PDE12: variants seen among roughly 807,000 people sequenced by gnomAD.
PDE12 encodes 2',5'-phosphodiesterase 12.
PDE12 carries 26 observed loss-of-function variants against 45.4 expected under a neutral mutation model. The ratio of observed to expected loss-of-function variants is 0.57; its 90% CI spans 0.42 to 0.79. The LOEUF (loss-of-function observed/expected upper bound fraction) is 0.79, where lower values mean the gene tolerates loss of function less well. PDE12 is among the 30% of genes least tolerant of loss of function. The probability of loss-of-function intolerance (pLI) is 0.00; values close to 1 mark genes in which losing one functional copy is unlikely to be tolerated. For synonymous variants in PDE12, 283 were observed against 323.9 expected (o/e 0.87, Z 1.36); for missense variants, 668 against 790.0 (o/e 0.85, Z 1.85).
At chr3:57,622,098 C>G in the PDE12 span, among the ~76,000 whole-genome samples, 3 of 152,168 alleles carry the variant, frequency 2.0e-5, no homozygotes, top group Admixed American at 2.0e-4. Flanking sequence ...ATCACTTGAA[C>G]CCGGGAGGTG....
the PDE12 span, chr3:57,597,421 G>T: frequency 1.0e-5 from 3 of 295,076 alleles, no homozygotes; most frequent in South Asian, 8.5e-5. Context: ...CTCCAGCAGC[G>T]GCCCGGCCCC....
At chr3:57,617,013 G>A in the PDE12 span, among the ~76,000 whole-genome samples, 1 of 151,956 alleles carries the variant, frequency 6.6e-6, no homozygotes, top group African/African-American at 2.4e-5. Flanking sequence ...GACAGAGCGA[G>A]ACTCCATCTC....
the PDE12 span, among the ~76,000 whole-genome samples, chr3:57,608,587 C>A: frequency 6.6e-6 from 1 of 151,898 alleles, no homozygotes; most frequent in African/African-American, 2.4e-5. Context: ...GGGTTGCAAT[C>A]CTAGTCTCTG....
chr3:57,634,700 A>G, the PDE12 span: 1 of 1,544,222 alleles, frequency 6.5e-7, no homozygotes, highest in Non-Finnish European at 8.7e-7. Flanking sequence ...ATAAAAGTCA[A>G]TACCAGGTTT....
chr3:57,592,699 TG>T, the PDE12 span, among the ~76,000 whole-genome samples: 2 of 152,224 alleles, frequency 1.3e-5, no homozygotes, highest in African/African-American at 4.8e-5. Flanking sequence ...TAAGGATGGC[TG>T]TACCTATCAG....
At position 57,556,872 on chromosome 3, in the gene PDE12, A is replaced by C; in HGVS notation, c.493A>C (p.Thr165Pro). Reference sequence around the variant, plus strand: ...GGTGGAGCGCAACCCGCCCGCCTTCACCGAACTGCAGTTGCCGCGCTACAT... The same window carrying C: ...GGTGGAGCGCAACCCGCCCGCCTTCCCCGAACTGCAGTTGCCGCGCTACAT... ...YKVERNPPAF[T>P]ELQLPRYIMA... Residue 165 changes from threonine (T) to proline (P), a missense_variant, in exon 1 of 3, where the codon ACC (threonine) becomes CCC (proline). Around this residue, in one of 3 missense-constraint regions of PDE12, gnomAD observed 580 missense variants for 662.9 expected, o/e 0.87. Transcript: ENST00000311180. The surrounding 1 kb of genome is among the most constrained non-coding windows in gnomAD (Gnocchi z 5.0). 1 of 1,614,098 alleles carries C rather than the reference A, an allele frequency of 6.2e-7. No individual in the cohort carries two copies. Among genetic ancestry groups the C allele is most frequent in the Non-Finnish European group, 8.5e-7 (1 of 1,180,030 alleles).
chr3:57,606,032 A>C, the PDE12 span, among the ~76,000 whole-genome samples: 1 of 152,154 alleles, frequency 6.6e-6, no homozygotes, highest in Non-Finnish European at 1.5e-5. Flanking sequence ...GGGTAACTGA[A>C]GTCCCTAAAA....
At chr3:57,581,316 T>G in the PDE12 span, among the ~76,000 whole-genome samples, 1 of 152,082 alleles carries the variant, frequency 6.6e-6, no homozygotes, top group Non-Finnish European at 1.5e-5. Flanking sequence ...ATGAACTCCC[T>G]AGGAAGCAGT....
At chr3:57,594,075 G>T in the PDE12 span, among the ~76,000 whole-genome samples, 723 of 152,188 alleles carry the variant, frequency 4.8e-3, 5 homozygotes, top group Middle Eastern at 0.01. Flanking sequence ...GGCCAACATG[G>T]TGAAACCCCG....
At chr3:57,646,313 C>T in the PDE12 span, 29 of 1,606,356 alleles carry the variant, frequency 1.8e-5, no homozygotes, top group South Asian at 1.5e-4. Flanking sequence ...CAAATAGACT[C>T]ACTTAACAAG....
the PDE12 span, chr3:57,584,203 T>C: frequency 1.4e-6 from 1 of 725,872 alleles, no homozygotes; most frequent in Admixed American, 3.0e-5. Flanking sequence ...GCTCAAGCAA[T>C]CCACCCGCCT....
At chr3:57,586,048 GA>G in the PDE12 span, among the ~76,000 whole-genome samples, 1 of 152,200 alleles carries the variant, frequency 6.6e-6, no homozygotes, top group Non-Finnish European at 1.5e-5. Flanking sequence ...ACTAGAACAA[GA>G]GGCTATACCT....
chr3:57,651,689 CAA>C, the PDE12 span, among the ~76,000 whole-genome samples: 1 of 137,862 alleles, frequency 7.3e-6, no homozygotes, highest in African/African-American at 2.7e-5. Flanking sequence ...ATTTAATTAC[CAA>C]AAAAAAAAAA....
At chr3:57,641,294 T>C in the PDE12 span, among the ~76,000 whole-genome samples, 2 of 143,910 alleles carry the variant, frequency 1.4e-5, no homozygotes, top group Non-Finnish European at 3.0e-5. Context: ...TTAAATATTA[T>C]ATATTTAAAT....
At chr3:57,592,888 AG>A in the PDE12 span, among the ~76,000 whole-genome samples, 1 of 152,168 alleles carries the variant, frequency 6.6e-6, no homozygotes, top group African/African-American at 2.4e-5. Flanking sequence ...ACAATTTTAG[AG>A]GAACAAAAAC....
chr3:57,570,219 G>GTTTTTT (rs34599005), downstream of PDE12, among the ~76,000 whole-genome samples: 2,508 of 102,210 alleles, frequency 0.025, 73 homozygotes, highest in Middle Eastern at 0.041. Flanking sequence ...TTAATCCAGT[G>GTTTTTT]TTTTTTTTTT....
the PDE12 span, among the ~76,000 whole-genome samples, chr3:57,617,706 A>T: frequency 1.3e-5 from 2 of 151,804 alleles, no homozygotes; most frequent in Non-Finnish European, 1.5e-5. Context: ...CTACAAAGAA[A>T]TTTTTTTTAA....
chr3:57,639,069 G>A, the PDE12 span, among the ~76,000 whole-genome samples: 1 of 152,134 alleles, frequency 6.6e-6, no homozygotes, highest in Non-Finnish European at 1.5e-5. Context: ...ATGCACTCCA[G>A]CCTGAGCAAC....
In PDE12 at chr3:57,560,270, A is replaced by T; in HGVS notation, c.*266A>T. 8.3e-7 allele frequency: 1 copy of T among 1,199,862 alleles called. No homozygotes were observed. Among genetic ancestry groups the T allele is most frequent in the Non-Finnish European group, 1.0e-6 (1 of 965,070 alleles). 74.3% of individuals were successfully genotyped at this position (1,199,862 alleles called of 1,614,324 possible). On this transcript the variant is annotated 3_prime_UTR_variant, in exon 3 of 3. Transcript: ENST00000311180. ...AATTGAATTATTTTTCTCCAAATTG[A>T]GACTCTCAGAAAAGGAAGATTGAAT...
Sources: gnomAD v4.1 joint callset for allele counts (sites outside exome capture counted in the v4.1 genomes callset) on GRCh38, gnomAD v4.1.1 for gene constraint, gnomAD v4.1.1 regional missense constraint, Gnocchi (gnomAD v3.1) non-coding constraint, MANE v1.5 for transcripts, NCBI Gene and HGNC (gene_info 2026-07-23, HGNC 2026-07-21) for gene names.